MMP16: variants seen among roughly 807,000 people sequenced by gnomAD.
MMP16 encodes matrix metalloproteinase-16.
In MMP16, 12 loss-of-function variants were observed where a neutral mutation model predicts 67.8. The ratio of observed to expected loss-of-function variants is 0.18; its 90% CI spans 0.11 to 0.29. The LOEUF (loss-of-function observed/expected upper bound fraction) is 0.29, where lower values mean the gene tolerates loss of function less well. MMP16 is among the 10% of genes least tolerant of loss of function. The probability of loss-of-function intolerance (pLI) is 1.00; values close to 1 mark genes in which losing one functional copy is unlikely to be tolerated. For synonymous variants in MMP16, 249 were observed against 255.9 expected, an observed-to-expected ratio of 0.97 and a Z score of 0.26; for missense variants, 475 against 765.7, an observed-to-expected ratio of 0.62 and a Z score of 4.48.
At chr8:88,106,792 CT>C (rs1341553004) in intron 6 of MMP16, among the ~76,000 whole-genome samples, 2 of 150,990 alleles carry the variant, frequency 1.3e-5, no homozygotes, top group African/African-American at 4.8e-5. Context: ...GGTGTATTTT[CT>C]TTTTTTCATT....
At chr8:88,265,200 C>T (rs1211788194) in intron 1 of MMP16, among the ~76,000 whole-genome samples, 1 of 140,012 alleles carries the variant, frequency 7.1e-6, no homozygotes, top group Non-Finnish European at 1.5e-5. Flanking sequence ...AGTAGACAAA[C>T]TAAGGGTAGA....
chr8:88,118,701 A>G lies in MMP16; in HGVS notation c.870T>C (p.Tyr290=). 1 of 1,612,814 alleles carries G rather than the reference A, an allele frequency of 6.2e-7. No homozygotes were observed. The highest frequency in any genetic ancestry group is 8.5e-7 in the Non-Finnish European group (1 of 1,179,114). ...NDDLQGIQKI[Y]GPPDKIPPPT... The stretch of plus-strand genomic sequence containing the variant: ...CAAATTGAAACAGTAGTAACCTACC[A>G]TATATCTTCTGGATGCCCTGTAAAT... Residue 290 remains tyrosine (Y), a splice_region_variant and synonymous_variant, in exon 5 of 10, where the codon TAT becomes TAC. Transcript: ENST00000286614.
At chr8:88,294,332 C>T (rs1269009560) in intron 1 of MMP16, among the ~76,000 whole-genome samples, 5 of 149,600 alleles carry the variant, frequency 3.3e-5, no homozygotes, top group African/African-American at 4.9e-5. Context: ...ATGTGTATGT[C>T]TATATATGTG....
intron 4 of MMP16, among the ~76,000 whole-genome samples, chr8:88,158,448 T>C (rs965018820): frequency 6.6e-6 from 1 of 152,238 alleles, no homozygotes; most frequent in African/African-American, 2.4e-5. Context: ...CATGTGTCTG[T>C]TGGCTGCATA....
At chr8:88,215,649 G>A (rs1052702191) in intron 1 of MMP16, among the ~76,000 whole-genome samples, 16 of 152,136 alleles carry the variant, frequency 1.1e-4, no homozygotes, top group Non-Finnish European at 1.8e-4. Context: ...ACCAGGCTCT[G>A]AAACTAAGTG....
chr8:88,261,786 C>CACACAT (rs1197443941), intron 1 of MMP16, among the ~76,000 whole-genome samples: 1 of 151,676 alleles, frequency 6.6e-6, no homozygotes, highest in African/African-American at 2.4e-5. Flanking sequence ...CACACACACA[C>CACACAT]ACACACAACC....
chr8:88,219,812 T>C (rs750887447), intron 1 of MMP16, among the ~76,000 whole-genome samples: 4 of 152,160 alleles, frequency 2.6e-5, no homozygotes, highest in Non-Finnish European at 5.9e-5. Flanking sequence ...GCCATTTTCG[T>C]GTATTGAATC....
chr8:88,119,331 A>G (rs2118437701), intron 4 of MMP16, among the ~76,000 whole-genome samples: 1 of 152,216 alleles, frequency 6.6e-6, no homozygotes, highest in Non-Finnish European at 1.5e-5. Context: ...CAGGAACAGC[A>G]AAGAGCTGAG....
At chr8:88,156,454 G>T (rs892034980) in intron 4 of MMP16, among the ~76,000 whole-genome samples, 10 of 152,198 alleles carry the variant, frequency 6.6e-5, no homozygotes, top group African/African-American at 2.4e-4. Flanking sequence ...ACAGACTTAG[G>T]GAGGAGGGCG....
At chr8:88,310,036 A>C (rs912995316) in intron 1 of MMP16, among the ~76,000 whole-genome samples, 19 of 152,132 alleles carry the variant, frequency 1.2e-4, no homozygotes, top group African/African-American at 4.3e-4. Flanking sequence ...AGTGAAATAC[A>C]AGTAAAACTG....
At position 88,247,591 on chromosome 8, in the gene MMP16, A is replaced by C. The variant is rs374486063; in HGVS notation, c.133-50285T>G. On this transcript the variant is annotated intron_variant, in intron 1 of 9. Transcript: ENST00000286614. The stretch of plus-strand genomic sequence containing the variant: ...TTCACTGTTGTGGTTCTTAACAAGA[A>C]CATTTTCCTGCCAATCCAGGAAAAT... Among the ~76,000 whole-genome samples, 4 of 152,094 alleles carry C rather than the reference A, an allele frequency of 2.6e-5. No homozygotes were observed. The East Asian group carries it at 7.7e-4, about 29-fold the overall frequency.
intron 1 of MMP16, among the ~76,000 whole-genome samples, chr8:88,255,991 G>T (rs1810295192): frequency 6.6e-6 from 1 of 152,042 alleles, no homozygotes; most frequent in South Asian, 2.1e-4. Context: ...CTCTTCTCTT[G>T]GTTGAATCTC....
chr8:88,312,221 C>G (rs1811306139), intron 1 of MMP16, among the ~76,000 whole-genome samples: 1 of 152,138 alleles, frequency 6.6e-6, no homozygotes, highest in Non-Finnish European at 1.5e-5. Context: ...GTATTTTAAG[C>G]CATAGGAATC....
chr8:88,156,219 C>A (rs751612468), intron 4 of MMP16, among the ~76,000 whole-genome samples: 2 of 151,924 alleles, frequency 1.3e-5, no homozygotes, highest in South Asian at 2.1e-4. Flanking sequence ...GTCAAATAAT[C>A]TTTTCAATTA....
chr8:88,049,113 G>C (rs1035779227), intron 8 of MMP16, among the ~76,000 whole-genome samples: 1 of 152,124 alleles, frequency 6.6e-6, no homozygotes, highest in Non-Finnish European at 1.5e-5. Flanking sequence ...ATTTGTTGCA[G>C]GTTCTCATCA....
chr8:88,167,977 A>C lies in MMP16; in HGVS notation c.405-4T>G, dbSNP rs765991022. 3 of 1,594,704 alleles carry C rather than the reference A, an allele frequency of 1.9e-6. No individual in the cohort carries two copies. The highest frequency in any genetic ancestry group is 2.6e-6 in the Non-Finnish European group (3 of 1,170,540). ...TTTTGGAGTTACGTTCTTTATACTG[A>C]AAGTTAGAAAATATAATCATCAGTA... On this transcript the variant is annotated splice_polypyrimidine_tract_variant and splice_region_variant and intron_variant, in intron 3 of 9. Transcript: ENST00000286614.
chr8:88,291,688 C>T (rs915677080), intron 1 of MMP16, among the ~76,000 whole-genome samples: 2 of 152,042 alleles, frequency 1.3e-5, no homozygotes, highest in Non-Finnish European at 2.9e-5. Context: ...AGTGAAAATA[C>T]CAAGTCCCAA....
chr8:88,065,870 TC>T (rs2118251700), intron 7 of MMP16, among the ~76,000 whole-genome samples: 1 of 152,276 alleles, frequency 6.6e-6, no homozygotes, highest in South Asian at 2.1e-4. Context: ...AACAAACAGT[TC>T]TTTTCTTTGC....
intron 6 of MMP16, among the ~76,000 whole-genome samples, chr8:88,097,591 A>T (rs1037228505): frequency 1.4e-5 from 2 of 138,398 alleles, no homozygotes; most frequent in African/African-American, 5.5e-5. Flanking sequence ...ACACCACTGC[A>T]CTCCAACCTG....
Sources: gnomAD v4.1 joint callset for allele counts (sites outside exome capture counted in the v4.1 genomes callset) on GRCh38, gnomAD v4.1.1 for gene constraint, MANE v1.5 for transcripts, NCBI Gene and HGNC (gene_info 2026-07-23, HGNC 2026-07-21) for gene names.